MAST4: variants seen among roughly 807,000 people sequenced by gnomAD.
MAST4 encodes the protein microtubule-associated serine/threonine-protein kinase 4.
Under a neutral mutation model 162.7 loss-of-function variants are expected in MAST4, and 89 were observed. That is an observed-to-expected ratio of 0.55 (90% CI 0.46 to 0.65). The LOEUF (loss-of-function observed/expected upper bound fraction) is 0.65, where lower values mean the gene tolerates loss of function less well. MAST4 is among the 30% of genes least tolerant of loss of function. MAST4 has a pLI of 0.00. For missense variants in MAST4, 3,153 were observed against 3,374.0 expected, an observed-to-expected ratio of 0.93 and a Z score of 1.62; for synonymous variants, 1,479 against 1,361.1, an observed-to-expected ratio of 1.09 and a Z score of -1.91.
At chr5:66,820,178 G>A (rs534144194) in intron 3 of MAST4, among the ~76,000 whole-genome samples, 2 of 152,070 alleles carry the variant, frequency 1.3e-5, no homozygotes, top group Non-Finnish European at 2.9e-5. Flanking sequence ...CTCTGATGTA[G>A]TAGCTATACT....
rs75504727 is a variant in MAST4 at position 66,708,923 on chromosome 5, C to T, written c.364-50786C>T. Reference sequence around the variant, plus strand: ...TGGGCAAATGGGATAGAAAATCAGTCGGTAATAAGAATTTTATATTGAGAG... The same window carrying T: ...TGGGCAAATGGGATAGAAAATCAGTTGGTAATAAGAATTTTATATTGAGAG... On this transcript the variant is annotated intron_variant, in intron 1 of 28. Transcript: ENST00000403625. Among the ~76,000 whole-genome samples the T allele has an allele frequency of 8.1e-3, 1,230 of 152,168 alleles. 17 individuals carry two copies. The highest frequency in any genetic ancestry group is 0.028 in the African/African-American group (1,162 of 41,480).
chr5:66,777,618 G>C (rs149489391), intron 2 of MAST4, among the ~76,000 whole-genome samples: 46 of 152,272 alleles, frequency 3.0e-4, no homozygotes, highest in African/African-American at 1.1e-3. Context: ...GGATCTGGAG[G>C]GGGCAGTGAA....
At chr5:66,692,304 G>A (rs547769535) in intron 1 of MAST4, among the ~76,000 whole-genome samples, 5 of 151,896 alleles carry the variant, frequency 3.3e-5, no homozygotes, top group South Asian at 2.1e-4. Flanking sequence ...TATTCTTTTC[G>A]TTGCTTTTCT....
intron 3 of MAST4, among the ~76,000 whole-genome samples, chr5:66,838,986 G>A (rs540703766): frequency 1.2e-4 from 18 of 152,238 alleles, no homozygotes; most frequent in Non-Finnish European, 5.9e-5. Flanking sequence ...TTAGGAAGAG[G>A]CCAAGAAAAG....
chr5:66,838,370 A>G (rs939652776), intron 3 of MAST4, among the ~76,000 whole-genome samples: 3 of 152,124 alleles, frequency 2.0e-5, no homozygotes, highest in Admixed American at 6.6e-5. Context: ...ACAGAACCCC[A>G]TTCTTTGCTT....
At chr5:67,132,147 A>G (rs1410873335) in intron 16 of MAST4, among the ~76,000 whole-genome samples, 196 bp downstream of exon 16, 1 of 152,136 alleles carries the variant, frequency 6.6e-6, no homozygotes, top group Non-Finnish European at 1.5e-5. Flanking sequence ...CAGGAAACTC[A>G]TGGAAAAAAG....
intron 2 of MAST4, among the ~76,000 whole-genome samples, chr5:66,760,619 G>A (rs547779302): frequency 6.6e-6 from 1 of 152,194 alleles, no homozygotes; most frequent in East Asian, 1.9e-4. Context: ...CCTTATCAAG[G>A]GGTTTACATT....
intron 4 of MAST4, among the ~76,000 whole-genome samples, chr5:67,050,852 T>C (rs1758085651): frequency 6.6e-6 from 1 of 152,178 alleles, no homozygotes; most frequent in Non-Finnish European, 1.5e-5. Flanking sequence ...GGAGAACTGA[T>C]AGAGGGTACT....
At chr5:66,599,508 C>T (rs768963279) in intron 1 of MAST4, among the ~76,000 whole-genome samples, 1 of 152,194 alleles carries the variant, frequency 6.6e-6, no homozygotes, top group Non-Finnish European at 1.5e-5. Context: ...AGGCATTTTA[C>T]ACATGCTATC....
intron 1 of MAST4, among the ~76,000 whole-genome samples, chr5:66,673,323 G>T (rs1368944170): frequency 6.6e-6 from 1 of 151,748 alleles, no homozygotes; most frequent in African/African-American, 2.4e-5. Context: ...CAGTTTTATT[G>T]TTTTTTTGCG....
At chr5:66,916,209 A>T (rs1015368185) in intron 4 of MAST4, among the ~76,000 whole-genome samples, 1 of 152,254 alleles carries the variant, frequency 6.6e-6, no homozygotes, top group Non-Finnish European at 1.5e-5. Flanking sequence ...TTTAAATTGT[A>T]TAAGTGGCTC....
intron 4 of MAST4, among the ~76,000 whole-genome samples, chr5:66,998,702 C>A (rs1750943645): frequency 6.6e-6 from 1 of 152,116 alleles, no homozygotes; most frequent in Non-Finnish European, 1.5e-5. Flanking sequence ...TGTTCCCTTT[C>A]TCCCTTTGCT....
chr5:66,954,692 G>A lies in MAST4; in HGVS notation c.674+54710G>A, dbSNP rs899297977. On this transcript the variant is annotated intron_variant, in intron 4 of 28. Transcript: ENST00000403625. ...GAGGCGGGAGGATCACATGAGCCCAGGAGTTCAAGACAACCCTGGCCAACA... is the reference window on the plus strand; with the variant it reads ...GAGGCGGGAGGATCACATGAGCCCAAGAGTTCAAGACAACCCTGGCCAACA... Among the ~76,000 whole-genome samples, 13 of 152,220 alleles carry A rather than the reference G, an allele frequency of 8.5e-5. No individual in the cohort carries two copies. In the East Asian group the frequency reaches 2.3e-3, roughly 27 times the overall value.
At chr5:66,885,308 A>G (rs763889229) in intron 3 of MAST4, among the ~76,000 whole-genome samples, 10 of 152,240 alleles carry the variant, frequency 6.6e-5, no homozygotes, top group Non-Finnish European at 1.3e-4. Context: ...TTTGAAGTGG[A>G]AAATTCAATC....
chr5:66,726,031 TTGTG>T (rs376355771), intron 1 of MAST4, among the ~76,000 whole-genome samples: 3 of 150,874 alleles, frequency 2.0e-5, no homozygotes, highest in African/African-American at 7.3e-5. Context: ...TATGAACATT[TTGTG>T]TGTGTGTGTG....
intron 4 of MAST4, among the ~76,000 whole-genome samples, chr5:66,912,761 T>C (rs187056119): frequency 2.6e-4 from 40 of 152,310 alleles, no homozygotes; most frequent in African/African-American, 9.1e-4. Context: ...TGCTGAAAGA[T>C]GTTGGTTGGT....
intron 23 of MAST4, among the ~76,000 whole-genome samples, chr5:67,145,580 G>A (rs748124418): frequency 3.9e-5 from 6 of 152,176 alleles, no homozygotes; most frequent in Non-Finnish European, 8.8e-5. Flanking sequence ...CTCAGTGCTC[G>A]GCCATGCAGC....
At chr5:66,716,294 T>A (rs141884756) in intron 1 of MAST4, among the ~76,000 whole-genome samples, 111 of 152,288 alleles carry the variant, frequency 7.3e-4, no homozygotes, top group Non-Finnish European at 1.2e-3. Context: ...ATGCCACTAT[T>A]TAAACCTAGG....
intron 4 of MAST4, among the ~76,000 whole-genome samples, chr5:66,931,584 G>C (rs1020145715): frequency 6.6e-6 from 1 of 152,218 alleles, no homozygotes; most frequent in Non-Finnish European, 1.5e-5. Context: ...AAACAAGATT[G>C]AGCTAGACAT....
Sources: allele counts gnomAD v4.1 joint callset (sites outside exome capture counted in the v4.1 genomes callset), GRCh38; gene constraint gnomAD v4.1.1; transcripts MANE v1.5; gene names NCBI Gene and HGNC (gene_info 2026-07-23, HGNC 2026-07-21).